Variants in MARCHF1 observed in about 807,000 individuals in gnomAD.
MARCHF1 encodes E3 ubiquitin-protein ligase MARCHF1.
Under a neutral mutation model 54.2 loss-of-function variants are expected in MARCHF1, and 40 were observed. The observed-to-expected ratio is 0.74, with a 90% CI of 0.57 to 0.96. The LOEUF is 0.96. Ranked by LOEUF, MARCHF1 falls within the 40% of genes least tolerant of loss-of-function variation. The pLI is 0.00. For synonymous variants in MARCHF1, 236 were observed against 236.3 expected, an observed-to-expected ratio of 1.00 and a Z score of 0.01; for missense variants, 586 against 656.5, an observed-to-expected ratio of 0.89 and a Z score of 1.17.
At chr4:164,114,050 G>A (rs976136212) in intron 1 of MARCHF1, among the ~76,000 whole-genome samples, 4 of 151,956 alleles carry the variant, frequency 2.6e-5, no homozygotes, top group Non-Finnish European at 5.9e-5. Context: ...GGAGGGACAA[G>A]TTGGTAAACT....
At chr4:164,231,728 C>A (rs1193496589) in intron 1 of MARCHF1, among the ~76,000 whole-genome samples, 2 of 152,054 alleles carry the variant, frequency 1.3e-5, no homozygotes, top group African/African-American at 4.8e-5. Context: ...ACATAAATAA[C>A]CAACATTAAA....
intron 1 of MARCHF1, among the ~76,000 whole-genome samples, chr4:164,314,927 T>C (rs1734957252): frequency 6.6e-6 from 1 of 152,204 alleles, no homozygotes; most frequent in Admixed American, 6.5e-5. Context: ...ATCATTTGAT[T>C]ACGTTCGCTA....
rs187301455 is a variant in MARCHF1 at position 163,748,194 on chromosome 4, T to C, written c.112-47331A>G. On this transcript the variant is annotated intron_variant, in intron 4 of 9. Coordinates refer to ENST00000514618, the MANE Select transcript of MARCHF1 (RefSeq NM_001394959.1). ...CAGCTACCTTCAGCTATTCTCCCCC[T>C]GGGGCTCTACAGAACCTTCTGATCT... 6.5e-4 allele frequency among the ~76,000 whole-genome samples: 99 copies of C among 152,296 alleles called. 1 individual carries two copies. The highest frequency in any genetic ancestry group is 7.1e-4 in the Non-Finnish European group (48 of 68,028).
intron 4 of MARCHF1, among the ~76,000 whole-genome samples, chr4:163,822,073 T>G (rs1368539496): frequency 1.3e-5 from 2 of 151,980 alleles, no homozygotes; most frequent in Non-Finnish European, 2.9e-5. Flanking sequence ...TAATTACTTT[T>G]TATTTATCCT....
At chr4:163,564,023 C>T (rs1739558206) in intron 8 of MARCHF1, among the ~76,000 whole-genome samples, 1 of 152,212 alleles carries the variant, frequency 6.6e-6, no homozygotes, top group African/African-American at 2.4e-5. Flanking sequence ...GTTTTAGAAG[C>T]AAATGATCTT....
chr4:164,111,163 A>T (rs1005287566), intron 2 of MARCHF1, among the ~76,000 whole-genome samples: 1 of 151,838 alleles, frequency 6.6e-6, no homozygotes, highest in African/African-American at 2.4e-5. Flanking sequence ...GTAACAAGAT[A>T]AAATTACTCT....
chr4:163,710,472 A>C (rs1406245866), intron 4 of MARCHF1, among the ~76,000 whole-genome samples: 1 of 152,178 alleles, frequency 6.6e-6, no homozygotes, highest in East Asian at 1.9e-4. Context: ...AATAATATCA[A>C]AAATATCTAA....
intron 2 of MARCHF1, among the ~76,000 whole-genome samples, chr4:164,068,811 G>A (rs557796389): frequency 5.9e-5 from 9 of 152,356 alleles, no homozygotes; most frequent in Admixed American, 2.6e-4. Context: ...GAAGCCAGCT[G>A]GGCCCCTGAG....
In MARCHF1 at chr4:163,827,675, A is replaced by G. The variant is rs375369779; in HGVS notation, c.111+26346T>C. 7.2e-5 allele frequency among the ~76,000 whole-genome samples: 11 copies of G among 152,284 alleles called. No individual in the cohort carries two copies. The East Asian group carries it at 2.1e-3, about 29-fold the overall frequency. ...AAAGTCCTTTCCACTTATTGCAGTC[A>G]ATGAAGTTAATCCTAGATATACTCC... On this transcript the variant is annotated intron_variant, in intron 4 of 9. Coordinates refer to ENST00000514618, the MANE Select transcript of MARCHF1 (RefSeq NM_001394959.1).
At chr4:163,853,938 A>T in intron 4 of MARCHF1, 83 bp downstream of exon 4, 1 of 1,165,950 alleles carries the variant, frequency 8.6e-7, no homozygotes, top group Non-Finnish European at 1.2e-6. Flanking sequence ...GATAACATTT[A>T]CTTATAAGGT....
chr4:163,968,237 TACTAA>T (rs72361058), intron 3 of MARCHF1, among the ~76,000 whole-genome samples: 80,008 of 151,304 alleles, frequency 0.53, 22,611 homozygotes, highest in Middle Eastern at 0.67. Context: ...CTATTTGCTA[TACTAA>T]AGTACCCAGG....
intron 1 of MARCHF1, among the ~76,000 whole-genome samples, chr4:164,166,429 A>G (rs1047244863): frequency 6.6e-6 from 1 of 152,004 alleles, no homozygotes; most frequent in South Asian, 2.1e-4. Flanking sequence ...AAGACTTTGT[A>G]TTTGACAAAG....
At chr4:163,998,366 T>G (rs1427807003) in intron 2 of MARCHF1, among the ~76,000 whole-genome samples, 1 of 151,534 alleles carries the variant, frequency 6.6e-6, no homozygotes, top group Non-Finnish European at 1.5e-5. Flanking sequence ...GTTTTTATAT[T>G]ATTTTATATA....
At chr4:163,686,140 CTTA>C (rs1436063598) in intron 5 of MARCHF1, among the ~76,000 whole-genome samples, 2 of 152,032 alleles carry the variant, frequency 1.3e-5, no homozygotes, top group East Asian at 3.9e-4. Flanking sequence ...ACTGAGTGAT[CTTA>C]TTAATATTAG....
In MARCHF1 at chr4:163,526,904, C is replaced by T. The variant is rs1247539399; in HGVS notation, c.*1844G>A. ...TCTAGGAATCAAGACTATCTGGACT[C>T]AGTGTCAGCCACTACTAATATTTAT... On this transcript the variant is annotated 3_prime_UTR_variant, in exon 10 of 10. Transcript: ENST00000514618. 6.6e-6 allele frequency: 1 copy of T among 151,828 alleles called. No individual in the cohort carries two copies. The highest frequency in any genetic ancestry group is 6.6e-5 in the Admixed American group (1 of 15,194). 9.4% of individuals were successfully genotyped at this position (151,828 alleles called of 1,614,324 possible).
At chr4:163,877,480 A>G (rs1750317004) in intron 3 of MARCHF1, among the ~76,000 whole-genome samples, 1 of 149,354 alleles carries the variant, frequency 6.7e-6, no homozygotes, top group Non-Finnish European at 1.5e-5. Context: ...TTTTTTTCTA[A>G]TGAACAGAAA....
intron 4 of MARCHF1, among the ~76,000 whole-genome samples, chr4:163,727,194 G>GT: frequency 6.6e-6 from 1 of 152,002 alleles, no homozygotes; most frequent in South Asian, 2.1e-4. Flanking sequence ...AATAGTGGCT[G>GT]TAATTATCCT....
intron 2 of MARCHF1, among the ~76,000 whole-genome samples, chr4:164,090,716 T>G (rs2111131659): frequency 6.6e-6 from 1 of 152,142 alleles, no homozygotes; most frequent in South Asian, 2.1e-4. Context: ...GAGATAAGAA[T>G]CTTATCATCA....
chr4:164,176,099 C>T (rs565845908), intron 1 of MARCHF1, among the ~76,000 whole-genome samples: 1 of 152,092 alleles, frequency 6.6e-6, no homozygotes, highest in Non-Finnish European at 1.5e-5. Context: ...AACACCTAAA[C>T]GTTTCCAAAG....
Sources: allele counts gnomAD v4.1 joint callset (sites outside exome capture counted in the v4.1 genomes callset), GRCh38; gene constraint gnomAD v4.1.1; transcripts MANE v1.5; gene names NCBI Gene and HGNC (gene_info 2026-07-23, HGNC 2026-07-21).